KCTD3: variants seen among roughly 807,000 people sequenced by gnomAD.
KCTD3 encodes the protein BTB/POZ domain-containing protein KCTD3.
KCTD3 carries 41 observed loss-of-function variants against 85.8 expected under a neutral mutation model. The observed-to-expected ratio is 0.48, with a 90% confidence interval of 0.37 to 0.62. KCTD3 has a LOEUF of 0.62. Among genes scored for constraint, KCTD3 ranks in the 20% least tolerant of loss-of-function variants. The pLI is 0.00. For synonymous variants in KCTD3, 338 were observed against 345.4 expected (o/e 0.98, Z 0.24); for missense variants, 724 against 989.9 (o/e 0.73, Z 3.60).
At chr1:215,608,314 GT>G in intron 14 of KCTD3, 142 bp downstream of exon 14, 2 of 520,254 alleles carry the variant, frequency 3.8e-6, no homozygotes, top group South Asian at 1.2e-4. Context: ...ATTTTAGTGT[GT>G]TTTTCTGATT....
Position 215,567,674 on chromosome 1 carries a change from G to T in KCTD3, c.-12G>T. The T allele has an allele frequency of 8.1e-7, 1 of 1,235,494 alleles. No homozygotes were observed. The allele number at this position is 1,235,494 out of a possible 1,614,324, so 76.5% of individuals were successfully genotyped here. On this transcript the variant is annotated 5_prime_UTR_variant, in exon 1 of 18. Coordinates refer to ENST00000259154, the MANE Select transcript of KCTD3 (RefSeq NM_016121.5). ...GGAAGGAGGGCGGCGAGCGCGTCCG[G>T]AGCCGCCGGAGATGGCGGGAGGGCA...
chr1:215,604,909 C>T (rs1455546804), intron 13 of KCTD3, among the ~76,000 whole-genome samples: 1 of 150,734 alleles, frequency 6.6e-6, no homozygotes, highest in Non-Finnish European at 1.5e-5. Flanking sequence ...TGTAGTTCTT[C>T]ATAATATAAA....
intron 9 of KCTD3, 113 bp from the exon 10 acceptor site, chr1:215,595,243 T>C: frequency 3.0e-6 from 2 of 669,810 alleles, no homozygotes; most frequent in East Asian, 5.2e-5. Flanking sequence ...TAGCACATAG[T>C]TTGTAGTAAT....
intron 7 of KCTD3, among the ~76,000 whole-genome samples, chr1:215,579,631 T>C (rs1659732844): frequency 6.6e-6 from 1 of 152,022 alleles, no homozygotes; most frequent in Non-Finnish European, 1.5e-5. Context: ...CCGGAGTAGC[T>C]GGGACTACAG....
intron 9 of KCTD3, among the ~76,000 whole-genome samples, chr1:215,588,194 T>C (rs1660083416): frequency 6.6e-6 from 1 of 152,148 alleles, no homozygotes; most frequent in African/African-American, 2.4e-5. Flanking sequence ...ATTAAAATGG[T>C]ACTTAATGAA....
chr1:215,578,571 C>A (rs1300058029), intron 6 of KCTD3, among the ~76,000 whole-genome samples: 1 of 152,110 alleles, frequency 6.6e-6, no homozygotes, highest in Non-Finnish European at 1.5e-5. Flanking sequence ...TAATGGACTT[C>A]TGAGCAAGAT....
At chr1:215,577,619 A>C (rs754024958) in intron 4 of KCTD3, 51 bp from the exon 5 acceptor site, 1 of 1,178,070 alleles carries the variant, frequency 8.5e-7, no homozygotes, top group Admixed American at 1.7e-5. Context: ...ATGTCAGATG[A>C]TAATACAGGT....
intron 9 of KCTD3, among the ~76,000 whole-genome samples, chr1:215,587,961 T>A (rs1558234212): frequency 6.6e-6 from 1 of 152,190 alleles, no homozygotes; most frequent in East Asian, 1.9e-4. Context: ...GAAAAAAAAT[T>A]GCATTCATTG....
At chr1:215,588,360 GTTACTAAGACCATTACAT>G (rs374235399) in intron 9 of KCTD3, among the ~76,000 whole-genome samples, 224 of 151,920 alleles carry the variant, frequency 1.5e-3, no homozygotes, top group African/African-American at 5.2e-3. Context: ...ACATTCTTTA[GTTACTAAGACCATTACAT>G]TCTCTGCCAC....
At chr1:215,570,255 A>G (rs1445426106) in intron 1 of KCTD3, among the ~76,000 whole-genome samples, 1 of 152,026 alleles carries the variant, frequency 6.6e-6, no homozygotes, top group African/African-American at 2.4e-5. Flanking sequence ...CCTCAGGAGA[A>G]TAGACATGAA....
intron 9 of KCTD3, among the ~76,000 whole-genome samples, chr1:215,590,424 G>C (rs1370157817): frequency 1.3e-5 from 2 of 152,114 alleles, no homozygotes; most frequent in East Asian, 3.9e-4. Context: ...GCCTGTACCT[G>C]TCTCCCTTCC....
rs2102560014 is a variant in KCTD3 at position 215,579,117 on chromosome 1, G to A, written c.515G>A (p.Gly172Glu). The change falls in exon 7 of 18, where the codon GGA becomes GAA. Residue 172 changes from glycine (G) to glutamate (E), a missense_variant. Coordinates refer to ENST00000259154, the MANE Select transcript of KCTD3 (RefSeq NM_016121.5). Reference sequence around the variant, plus strand: ...ACACAGCCTGTTCTCTCTGGAACGGGAGAAGAAACTGTTAGGCTAGGTAAG... The same window carrying A: ...ACACAGCCTGTTCTCTCTGGAACGGAAGAAGAAACTGTTAGGCTAGGTAAG... ...NGTQPVLSGT[G>E]EETVRLGFPV... 6.2e-7 allele frequency: 1 copy of A among 1,609,932 alleles called. No individual in the cohort carries two copies. The highest frequency in any genetic ancestry group is 1.3e-5 in the African/African-American group (1 of 74,600).
rs768702197 is a variant in KCTD3 at position 215,573,778 on chromosome 1, A to G, written c.84-8A>G. 15 of 1,543,530 alleles carry G rather than the reference A, an allele frequency of 9.7e-6. No individual in the cohort carries two copies. In the East Asian group the frequency reaches 3.4e-4, roughly 35 times the overall value. ...TCACTTATAATACCAGATGATTTTT[A>G]ATTGCAGATTTAGTACCTCAAGACA... is the stretch of plus-strand genomic sequence containing the variant. On this transcript the variant is annotated splice_region_variant and splice_polypyrimidine_tract_variant and intron_variant, in intron 1 of 17. Transcript: ENST00000259154.
chr1:215,571,969 A>T (rs890569903), intron 1 of KCTD3, among the ~76,000 whole-genome samples: 7 of 152,206 alleles, frequency 4.6e-5, no homozygotes, highest in African/African-American at 1.7e-4. Context: ...GCATGTTTTG[A>T]TAATGATAGA....
intron 15 of KCTD3, among the ~76,000 whole-genome samples, chr1:215,616,035 T>C (rs1655434083): frequency 6.6e-6 from 1 of 152,108 alleles, no homozygotes; most frequent in Admixed American, 6.5e-5. Flanking sequence ...GATAGGGACA[T>C]GTTAGGGTAA....
Position 215,579,146 on chromosome 1 carries a change from A to G in KCTD3, c.535+9A>G. 1.9e-6 allele frequency: 3 copies of G among 1,607,088 alleles called. No individual in the cohort carries two copies. Among genetic ancestry groups the G allele is most frequent in the South Asian group, 1.1e-5 (1 of 90,426 alleles). ...AGAAACTGTTAGGCTAGGTAAGCAA[A>G]GATTACAGAAATAGAAAAAGAAAAA... On this transcript the variant is annotated intron_variant, in intron 7 of 17. Coordinates refer to ENST00000259154, the MANE Select transcript of KCTD3 (RefSeq NM_016121.5).
At chr1:215,595,330 CT>C in intron 9 of KCTD3, 25 bp from the exon 10 acceptor site, 13 of 1,399,422 alleles carry the variant, frequency 9.3e-6, no homozygotes, top group Non-Finnish European at 1.2e-5. Flanking sequence ...ACTGATTAAC[CT>C]TTTTATTTTT....
chr1:215,595,359 T>A lies in KCTD3; in HGVS notation c.821T>A (p.Val274Glu). ...QDGGSGSEIG[V>E]FSLGVPVDAL... Reference sequence around the variant, plus strand: ...TTATTTTTTATTGTCATTTAAGGAGTGTTCAGCCTGGGTGTTCCTGTAGAT... The same window carrying A: ...TTATTTTTTATTGTCATTTAAGGAGAGTTCAGCCTGGGTGTTCCTGTAGAT... The change falls in exon 10 of 18, where the codon GTG becomes GAG. Residue 274 changes from valine to glutamate, a missense_variant. Physicochemically the swap from Val to Glu is moderately radical, Grantham distance 121 (BLOSUM62 -2). Transcript: ENST00000259154. The A allele has an allele frequency of 6.3e-7, 1 of 1,584,336 alleles. No individual in the cohort carries two copies. The highest frequency in any genetic ancestry group is 1.1e-5 in the South Asian group (1 of 90,356).
chr1:215,579,779 T>A (rs1443306205), intron 7 of KCTD3, 130 bp from the exon 8 acceptor site: 1 of 634,064 alleles, frequency 1.6e-6, no homozygotes, highest in Non-Finnish European at 2.8e-6. Context: ...ATTACAGGTG[T>A]GAGCCACTGT....
Sources: gnomAD v4.1 joint callset for allele counts (sites outside exome capture counted in the v4.1 genomes callset) on GRCh38, gnomAD v4.1.1 for gene constraint, MANE v1.5 for transcripts, NCBI Gene and HGNC (gene_info 2026-07-23, HGNC 2026-07-21) for gene names.